Variants in LRBA observed in about 807,000 individuals in gnomAD.
LRBA encodes LPS responsive beige-like anchor protein.
A neutral mutation model predicts 330.0 loss-of-function variants in LRBA; 176 were observed. That is an observed-to-expected ratio of 0.53 (90% confidence interval 0.47 to 0.60). The LOEUF is 0.60. Ranked by LOEUF, LRBA falls within the 20% of genes least tolerant of loss-of-function variation. LRBA has a pLI of 0.00. For missense variants in LRBA, 3,259 were observed against 3,444.8 expected (o/e 0.95, Z 1.35); for synonymous variants, 1,230 against 1,193.0 (o/e 1.03, Z -0.64).
At chr4:150,916,818 C>A in intron 5 of LRBA, 80 bp from the exon 6 acceptor site, 1 of 1,120,542 alleles carries the variant, frequency 8.9e-7, no homozygotes, top group Non-Finnish European at 1.3e-6. Context: ...CTTTGCAATG[C>A]TACATATATT....
intron 37 of LRBA, among the ~76,000 whole-genome samples, chr4:150,638,717 G>T: frequency 7.1e-6 from 1 of 141,048 alleles, no homozygotes; most frequent in Non-Finnish European, 1.5e-5. Context: ...GTGCTGGAGA[G>T]GATGTGGAGA....
In LRBA at chr4:150,867,815, G is replaced by A. The variant is rs773958008; in HGVS notation, c.2622C>T (p.Cys874=). Reference sequence around the variant, plus strand: ...CATCTGAATTCTTAGGATTAAAATAGCAGAGAGAAAGCATCCATTCTTGCC... The same window carrying A: ...CATCTGAATTCTTAGGATTAAAATAACAGAGAGAAAGCATCCATTCTTGCC... ...SVWQEWMLSL[C]YFNPKNSDEQ... Residue 874 remains cysteine, a synonymous_variant, in exon 22 of 57, where the codon TGC becomes TGT. Coordinates refer to ENST00000651943, the MANE Select transcript of LRBA (RefSeq NM_001364905.1). 1 of 1,613,476 alleles carries A rather than the reference G, an allele frequency of 6.2e-7. No individual in the cohort carries two copies. The highest frequency in any genetic ancestry group is 1.1e-5 in the South Asian group (1 of 91,004).
intron 37 of LRBA, among the ~76,000 whole-genome samples, chr4:150,620,868 T>C (rs1015355657): frequency 1.3e-5 from 2 of 152,148 alleles, no homozygotes; most frequent in African/African-American, 4.8e-5. Context: ...TGTACACTAC[T>C]TGGGTGACTA....
intron 56 of LRBA, among the ~76,000 whole-genome samples, chr4:150,275,901 T>C (rs964622754): frequency 7.2e-5 from 11 of 152,184 alleles, no homozygotes; most frequent in Non-Finnish European, 1.5e-4. Context: ...CAAGCTACCA[T>C]TGACTTTCTT....
At position 150,683,913 on chromosome 4, in the gene LRBA, T is replaced by C. The variant is rs113125944; in HGVS notation, c.5755-196A>G. 2,540 of 527,276 alleles carry C rather than the reference T, an allele frequency of 4.8e-3. 7 individuals are homozygous for C. Among genetic ancestry groups the C allele is most frequent in the Non-Finnish European group, 7.2e-3 (2,139 of 297,564 alleles). The allele number at this position is 527,276 out of a possible 1,614,324, so 32.7% of individuals were successfully genotyped here. ...CAAGAATTTACTTCTGTGAAGTCAA[T>C]CATGAGATACACTCAGAAGTGGTAA... On this transcript the variant is annotated intron_variant, in intron 36 of 56. Coordinates refer to ENST00000651943, the MANE Select transcript of LRBA (RefSeq NM_001364905.1).
At chr4:150,411,699 C>T (rs1482471182) in intron 47 of LRBA, among the ~76,000 whole-genome samples, 2 of 152,102 alleles carry the variant, frequency 1.3e-5, no homozygotes, top group African/African-American at 2.4e-5. Flanking sequence ...AGAAACCTGC[C>T]AACAGAGGGC....
intron 36 of LRBA, among the ~76,000 whole-genome samples, chr4:150,730,574 T>C (rs186343145): frequency 2.0e-5 from 3 of 151,256 alleles, no homozygotes; most frequent in Non-Finnish European, 2.9e-5. Context: ...TCCCAGCTAC[T>C]TGGGTGGCTG....
chr4:150,920,828 A>C (rs566634269), intron 5 of LRBA, among the ~76,000 whole-genome samples: 13 of 152,276 alleles, frequency 8.5e-5, no homozygotes, highest in African/African-American at 3.1e-4. Flanking sequence ...CATTCTATAC[A>C]CAAGGTACAA....
intron 40 of LRBA, among the ~76,000 whole-genome samples, chr4:150,503,036 G>A (rs1219138356): frequency 6.6e-6 from 1 of 152,220 alleles, no homozygotes; most frequent in African/African-American, 2.4e-5. Flanking sequence ...GGCTTGATTA[G>A]GTAAACAAAG....
chr4:150,740,996 CA>C (rs1731883410), intron 35 of LRBA, among the ~76,000 whole-genome samples: 1 of 152,000 alleles, frequency 6.6e-6, no homozygotes, highest in Admixed American at 6.6e-5. Context: ...TACCTCAAAC[CA>C]TACAAACAAA....
chr4:150,366,787 AAAGAGAAGCC>A (rs1312798185), intron 47 of LRBA, among the ~76,000 whole-genome samples: 5 of 152,218 alleles, frequency 3.3e-5, no homozygotes, highest in African/African-American at 1.2e-4. Flanking sequence ...CCTGATTGGA[AAAGAGAAGCC>A]AAGAGCTATT....
intron 36 of LRBA, among the ~76,000 whole-genome samples, chr4:150,715,653 C>T (rs1001399491): frequency 2.6e-5 from 4 of 152,056 alleles, no homozygotes; most frequent in Non-Finnish European, 4.4e-5. Flanking sequence ...TGCACAATTG[C>T]CAAGTGTTAG....
chr4:150,718,896 G>A (rs1208698339), intron 36 of LRBA, among the ~76,000 whole-genome samples: 4 of 152,030 alleles, frequency 2.6e-5, no homozygotes, highest in African/African-American at 9.7e-5. Flanking sequence ...TCATAGATTA[G>A]TAATTGGGAA....
intron 47 of LRBA, among the ~76,000 whole-genome samples, chr4:150,393,791 T>G (rs1035748421): frequency 7.9e-5 from 12 of 152,180 alleles, no homozygotes; most frequent in Non-Finnish European, 1.6e-4. Flanking sequence ...TGGTCCATAG[T>G]TTGTTTCTTT....
At chr4:150,793,672 G>A (rs1372661699) in intron 34 of LRBA, among the ~76,000 whole-genome samples, 2 of 152,228 alleles carry the variant, frequency 1.3e-5, no homozygotes, top group Middle Eastern at 3.4e-3. Flanking sequence ...GAAAACAACA[G>A]GCAACTTAAA....
intron 30 of LRBA, among the ~76,000 whole-genome samples, chr4:150,825,963 G>A (rs1167830814): frequency 6.6e-6 from 1 of 151,908 alleles, no homozygotes; most frequent in Admixed American, 6.6e-5. Flanking sequence ...GTGACACCAG[G>A]AGGCAAAAAA....
At chr4:150,629,412 G>A (rs989051215) in intron 37 of LRBA, among the ~76,000 whole-genome samples, 1 of 150,590 alleles carries the variant, frequency 6.6e-6, no homozygotes, top group Non-Finnish European at 1.5e-5. Context: ...GCCAAAGCAG[G>A]TGGATCACTT....
chr4:150,824,053 C>A (rs150496086), intron 30 of LRBA, among the ~76,000 whole-genome samples: 3 of 152,076 alleles, frequency 2.0e-5, no homozygotes, highest in African/African-American at 7.2e-5. Flanking sequence ...TTAATTCTTC[C>A]AATCCATGAA....
intron 36 of LRBA, among the ~76,000 whole-genome samples, chr4:150,716,614 T>A (rs1728234405): frequency 6.6e-6 from 1 of 152,106 alleles, no homozygotes; most frequent in Non-Finnish European, 1.5e-5. Flanking sequence ...ATTAGAAAAA[T>A]AAACACGTTT....
Sources: gnomAD v4.1 joint callset for allele counts (sites outside exome capture counted in the v4.1 genomes callset) on GRCh38, gnomAD v4.1.1 for gene constraint, MANE v1.5 for transcripts, NCBI Gene and HGNC (gene_info 2026-07-23, HGNC 2026-07-21) for gene names.